The following ATXN7L1 variants were observed in gnomAD, a reference collection of about 807,000 sequenced individuals.
ATXN7L1 encodes ataxin-7-like protein 1.
ATXN7L1 carries 15 observed loss-of-function variants against 70.8 expected under a neutral mutation model. The ratio of observed to expected loss-of-function variants is 0.21; its 90% CI spans 0.14 to 0.33. ATXN7L1 has a LOEUF of 0.33. ATXN7L1 is among the 10% of genes least tolerant of loss of function. The pLI is 1.00. For missense variants in ATXN7L1, 975 were observed against 1,097.1 expected, an observed-to-expected ratio of 0.89 and a Z score of 1.57; for synonymous variants, 440 against 445.1, an observed-to-expected ratio of 0.99 and a Z score of 0.14.
chr7:105,796,414 G>A (rs1806002578), intron 2 of ATXN7L1, among the ~76,000 whole-genome samples: 1 of 152,068 alleles, frequency 6.6e-6, no homozygotes, highest in Non-Finnish European at 1.5e-5. Flanking sequence ...GGAGGTAACT[G>A]GACCCACAGA....
chr7:105,872,139 C>T (rs370623444), intron 2 of ATXN7L1, among the ~76,000 whole-genome samples: 23 of 152,006 alleles, frequency 1.5e-4, no homozygotes, highest in Non-Finnish European at 5.9e-5. Context: ...ACTACAGGTG[C>T]GTGCCACCAC....
chr7:105,670,807 C>T (rs993989592), intron 3 of ATXN7L1, among the ~76,000 whole-genome samples: 1 of 150,540 alleles, frequency 6.6e-6, no homozygotes, highest in African/African-American at 2.4e-5. Flanking sequence ...ACTAAAAATA[C>T]AAAAATTAGC....
chr7:105,731,751 A>AAGAAAAGAAAAGAAAAGGAAAG, intron 3 of ATXN7L1, among the ~76,000 whole-genome samples: 1 of 94,630 alleles, frequency 1.1e-5, no homozygotes, highest in South Asian at 3.1e-4. Context: ...ACTCCTTAAA[A>AAGAAAAGAAAAGAAAAGGAAAG]AGAAAAGAAA....
At chr7:105,711,122 G>A (rs958351933) in intron 3 of ATXN7L1, among the ~76,000 whole-genome samples, 2 of 152,140 alleles carry the variant, frequency 1.3e-5, no homozygotes, top group Non-Finnish European at 2.9e-5. Context: ...TACAATTCAA[G>A]GTGAGATTTG....
chr7:105,691,253 G>C (rs551035436), intron 3 of ATXN7L1, among the ~76,000 whole-genome samples: 3 of 152,234 alleles, frequency 2.0e-5, no homozygotes, highest in Non-Finnish European at 2.9e-5. Context: ...CGCCCCAGAG[G>C]AAATGGCATC....
At chr7:105,738,865 C>T (rs546485024) in intron 3 of ATXN7L1, among the ~76,000 whole-genome samples, 3 of 152,324 alleles carry the variant, frequency 2.0e-5, no homozygotes, top group South Asian at 2.1e-4. Context: ...GGATGCAGAG[C>T]GCTAAGCCAG....
intron 3 of ATXN7L1, among the ~76,000 whole-genome samples, chr7:105,682,778 G>A (rs189662064): frequency 1.3e-5 from 2 of 152,304 alleles, no homozygotes; most frequent in East Asian, 1.9e-4. Flanking sequence ...AGCAGGGGCT[G>A]TATGTGGTGG....
chr7:105,783,267 A>G (rs1168554850), intron 3 of ATXN7L1, among the ~76,000 whole-genome samples: 3 of 152,224 alleles, frequency 2.0e-5, no homozygotes, highest in Non-Finnish European at 4.4e-5. Context: ...TAGGAAACAT[A>G]TATTTGGTCT....
intron 2 of ATXN7L1, among the ~76,000 whole-genome samples, chr7:105,822,937 C>T (rs146928372): frequency 0.01 from 1,587 of 152,162 alleles, 11 homozygotes; most frequent in Non-Finnish European, 0.017. Context: ...GACTAGTATG[C>T]GCATGTAATT....
rs763621280 is a variant in ATXN7L1, at chr7:105,639,528, G to A, written c.904C>T (p.Pro302Ser). The change falls in exon 6 of 12, where the codon CCC (proline) becomes TCC (serine). Residue 302 changes from proline (P) to serine (S), a missense_variant. Around this residue, in one of 5 missense-constraint regions of ATXN7L1, gnomAD observed 192 missense variants for 215.5 expected, o/e 0.89. Transcript: ENST00000419735. ...DPNKHCGVLDPETKKPCTRSL... is the reference protein window; with the variant it reads ...DPNKHCGVLDSETKKPCTRSL... Reference sequence around the variant, plus strand: ...CTTGTGCAAGGTTTCTTTGTCTCGGGATCCAATACTCCACAGTGTTTATTT... The same window carrying A: ...CTTGTGCAAGGTTTCTTTGTCTCGGAATCCAATACTCCACAGTGTTTATTT... 1.3e-6 allele frequency: 2 copies of A among 1,551,292 alleles called. No homozygotes were observed. The highest frequency in any genetic ancestry group is 1.4e-5 in the African/African-American group (1 of 72,956).
intron 2 of ATXN7L1, among the ~76,000 whole-genome samples, chr7:105,863,121 G>A (rs777719750): frequency 3.3e-5 from 5 of 152,156 alleles, no homozygotes; most frequent in South Asian, 2.1e-4. Context: ...ACTGAACAGC[G>A]GCCTAGAAGA....
At position 105,642,994 on chromosome 7, in the gene ATXN7L1, A is replaced by G; in HGVS notation, c.706T>C (p.Ser236Pro). 6.4e-7 allele frequency: 1 copy of G among 1,551,844 alleles called. No homozygotes were observed. Among genetic ancestry groups the G allele is most frequent in the Non-Finnish European group, 8.7e-7 (1 of 1,147,026 alleles). Residue 236 changes from serine (S) to proline (P), a missense_variant, in exon 5 of 12, where the codon TCC becomes CCC. Around this residue, in one of 5 missense-constraint regions of ATXN7L1, gnomAD observed 192 missense variants for 215.5 expected, o/e 0.89. Transcript: ENST00000419735. Reference sequence around the variant, plus strand: ...ACAGGCTTAATTAAAGGAGGGGTGGAGACGGCAGAGGACGAGGTGGAGGAG... The same window carrying G: ...ACAGGCTTAATTAAAGGAGGGGTGGGGACGGCAGAGGACGAGGTGGAGGAG... ...SASSTSSSAV[S>P]TPPLIKPVLM...
intron 3 of ATXN7L1, among the ~76,000 whole-genome samples, chr7:105,727,746 G>GTGTGTATATATATATATATATA (rs1333693053): frequency 2.7e-4 from 15 of 55,338 alleles, no homozygotes; most frequent in South Asian, 9.7e-4. Flanking sequence ...GTGTATGTGT[G>GTGTGTATATATATATATATATA]TATATATATA....
In ATXN7L1 at chr7:105,692,424, T is replaced by TCCCTCCCTCCCTCCCTCCCTCCTTCCTC. The variant is rs1554431696; in HGVS notation, c.356-27137_356-27136insGAGGAAGGAGGGAGGGAGGGAGGGAGGG. On this transcript the variant is annotated intron_variant, in intron 3 of 11. Coordinates refer to ENST00000419735, the MANE Select transcript of ATXN7L1 (RefSeq NM_020725.2). ...TTCCTTCCTTCCTTCCTTCCTTCCTTCCTCCCTCCCTCCCTCCCTCCCTTC... is the reference window on the plus strand; with the variant it reads ...TTCCTTCCTTCCTTCCTTCCTTCCTTCCCTCCCTCCCTCCCTCCCTCCTTCCTCCCTCCCTCCCTCCCTCCCTCCCTTC... Among the ~76,000 whole-genome samples the TCCCTCCCTCCCTCCCTCCCTCCTTCCTC allele has an allele frequency of 1.9e-3, 166 of 88,158 alleles. 1 individual carries two copies. The highest frequency in any genetic ancestry group is 6.7e-3 in the African/African-American group (151 of 22,618). 57.8% of individuals were successfully genotyped at this position (88,158 alleles called of 152,430 possible).
intron 3 of ATXN7L1, among the ~76,000 whole-genome samples, chr7:105,716,009 G>A (rs12154655): frequency 0.26 from 39,411 of 151,848 alleles, 5,545 homozygotes; most frequent in East Asian, 0.38. Context: ...GGGTGGAGGC[G>A]GGGGGGATGG....
At chr7:105,773,604 G>T (rs1024332603) in intron 3 of ATXN7L1, among the ~76,000 whole-genome samples, 2 of 152,088 alleles carry the variant, frequency 1.3e-5, no homozygotes, top group South Asian at 4.1e-4. Context: ...GGAGACACAG[G>T]GGGAAGATAT....
At position 105,875,833 on chromosome 7, in the gene ATXN7L1, C is replaced by T; in HGVS notation, c.229G>A (p.Val77Ile). Residue 77 changes from valine to isoleucine, a missense_variant, in exon 2 of 12, where the codon GTT (valine) becomes ATT (isoleucine). By Grantham distance (29) the Val-to-Ile change is conservative. Transcript: ENST00000419735. ...AGKEGGKSRE[V>I]MRLNKEDMHL... ...TTACCTTCTTTATTAAGCCTCATAA[C>T]CTCCCTGCTTTTTCCACCCTCTTTT... 2.5e-6 allele frequency: 4 copies of T among 1,613,782 alleles called. No individual in the cohort carries two copies. The highest frequency in any genetic ancestry group is 2.5e-6 in the Non-Finnish European group (3 of 1,179,850).
chr7:105,812,859 G>T (rs1376105936), intron 2 of ATXN7L1, among the ~76,000 whole-genome samples: 1 of 152,132 alleles, frequency 6.6e-6, no homozygotes, highest in Non-Finnish European at 1.5e-5. Flanking sequence ...AAATTTATCT[G>T]GGCATGGTGG....
At chr7:105,619,569 A>T (rs1794630046) in intron 9 of ATXN7L1, among the ~76,000 whole-genome samples, 4 of 82,874 alleles carry the variant, frequency 4.8e-5, no homozygotes, top group Admixed American at 3.8e-4. Flanking sequence ...TTTTTTTTTA[A>T]GAGAGAGGGT....
Sources: gnomAD v4.1 joint callset for allele counts (sites outside exome capture counted in the v4.1 genomes callset) on GRCh38, gnomAD v4.1.1 for gene constraint, gnomAD v4.1.1 regional missense constraint, MANE v1.5 for transcripts, NCBI Gene and HGNC (gene_info 2026-07-23, HGNC 2026-07-21) for gene names.